The following PLEKHM2 variants were observed in gnomAD, a reference collection of about 807,000 sequenced individuals.
PLEKHM2 encodes the protein pleckstrin homology domain-containing family M member 2.
Under a neutral mutation model 116.3 loss-of-function variants are expected in PLEKHM2, and 77 were observed. The ratio of observed to expected loss-of-function variants is 0.66; its 90% CI spans 0.55 to 0.80. The LOEUF is 0.80. Among genes scored for constraint, PLEKHM2 ranks in the 30% least tolerant of loss-of-function variants. The pLI, the probability that PLEKHM2 is intolerant of heterozygous loss-of-function variation, is 0.00. For synonymous variants in PLEKHM2, 562 were observed against 571.0 expected, an observed-to-expected ratio of 0.98 and a Z score of 0.22; for missense variants, 1,183 against 1,354.9, an observed-to-expected ratio of 0.87 and a Z score of 1.99.
chr1:15,705,061 G>A (rs1248777888), intron 1 of PLEKHM2, among the ~76,000 whole-genome samples: 1 of 151,584 alleles, frequency 6.6e-6, no homozygotes, highest in Non-Finnish European at 1.5e-5. Flanking sequence ...GTACTCAGAC[G>A]CTCCTCCTGC....
At chr1:15,701,588 G>A (rs1346709922) in intron 1 of PLEKHM2, among the ~76,000 whole-genome samples, 6 of 152,162 alleles carry the variant, frequency 3.9e-5, no homozygotes, top group African/African-American at 1.4e-4. Flanking sequence ...AGGAGATCGT[G>A]ACCATCCTGG....
chr1:15,727,161 C>A lies in PLEKHM2; in HGVS notation c.1089C>A (p.Asp363Glu). 1 of 1,599,844 alleles carries A rather than the reference C, an allele frequency of 6.3e-7. No homozygotes were observed. Among genetic ancestry groups the A allele is most frequent in the Non-Finnish European group, 8.5e-7 (1 of 1,172,630 alleles). Reference protein sequence around the residue: ...SRNGSPSLGRDSPDTMLASPQ... With the variant: ...SRNGSPSLGRESPDTMLASPQ... ...ACGGCAGCCCAAGCCTTGGGCGGGACTCGCCAGACACTATGCTTGCCTCCC... is the reference window on the plus strand; with the variant it reads ...ACGGCAGCCCAAGCCTTGGGCGGGAATCGCCAGACACTATGCTTGCCTCCC... Residue 363 changes from aspartate to glutamate, a missense_variant, in exon 9 of 20, where the codon GAC (aspartate) becomes GAA (glutamate). Asp to Glu is a conservative substitution (Grantham distance 45, BLOSUM62 2). Around this residue, in one of 3 missense-constraint regions of PLEKHM2, gnomAD observed 372 missense variants for 357.2 expected, o/e 1.04. Transcript: ENST00000375799. The surrounding 1 kb of genome is among the most constrained non-coding windows in gnomAD (Gnocchi z 7.5).
intron 4 of PLEKHM2, 55 bp from the exon 5 acceptor site, chr1:15,718,483 G>A (rs764701763): frequency 9.5e-7 from 1 of 1,054,564 alleles, no homozygotes; most frequent in Non-Finnish European, 1.4e-6. Flanking sequence ...GGTAAGGTTA[G>A]GCCAGGCTGG....
chr1:15,707,718 GAC>G (rs1486058702), intron 1 of PLEKHM2, among the ~76,000 whole-genome samples: 1 of 152,136 alleles, frequency 6.6e-6, no homozygotes, highest in Non-Finnish European at 1.5e-5. Context: ...AAACTGACAA[GAC>G]ACATCCTCAC....
chr1:15,725,314 C>T lies in PLEKHM2; in HGVS notation c.713-3C>T. ...GGTGTCTCCTGCTTCCTTGTCCTCCCAGATGGAGACCTCACAGACACGGTC... is the reference window on the plus strand; with the variant it reads ...GGTGTCTCCTGCTTCCTTGTCCTCCTAGATGGAGACCTCACAGACACGGTC... On this transcript the variant is annotated splice_region_variant and splice_polypyrimidine_tract_variant and intron_variant, in intron 7 of 19. Coordinates refer to ENST00000375799, the MANE Select transcript of PLEKHM2 (RefSeq NM_015164.4). 1 of 1,548,472 alleles carries T rather than the reference C, an allele frequency of 6.5e-7. No homozygotes were observed. The highest frequency in any genetic ancestry group is 8.7e-7 in the Non-Finnish European group (1 of 1,144,558).
At chr1:15,695,839 T>A (rs1364212847) in intron 1 of PLEKHM2, among the ~76,000 whole-genome samples, 1 of 151,992 alleles carries the variant, frequency 6.6e-6, no homozygotes, top group Non-Finnish European at 1.5e-5. Flanking sequence ...TCTTGCTCTG[T>A]CACCCAGGGT....
At chr1:15,692,697 C>T (rs980742024) in intron 1 of PLEKHM2, among the ~76,000 whole-genome samples, 1 of 152,088 alleles carries the variant, frequency 6.6e-6, no homozygotes, top group Admixed American at 6.6e-5. Flanking sequence ...TCCAGCCTCC[C>T]AAAGTGTGGG....
chr1:15,711,145 T>C (rs1392440811), intron 1 of PLEKHM2, among the ~76,000 whole-genome samples: 1 of 152,138 alleles, frequency 6.6e-6, no homozygotes, highest in Non-Finnish European at 1.5e-5. Context: ...GAGGATCCCT[T>C]GAGCCCAGGA....
chr1:15,689,880 C>T (rs936096169), intron 1 of PLEKHM2, among the ~76,000 whole-genome samples: 2 of 152,128 alleles, frequency 1.3e-5, no homozygotes, highest in African/African-American at 4.8e-5. Context: ...CCTCAGCCTC[C>T]CAAGTAGCTG....
At chr1:15,732,869 G>T in intron 19 of PLEKHM2, 141 bp downstream of exon 19, 1 of 619,664 alleles carries the variant, frequency 1.6e-6, no homozygotes, top group Non-Finnish European at 2.8e-6. Flanking sequence ...GGGCGCTCCT[G>T]CCTCAGCCCC....
Position 15,725,493 on chromosome 1 carries a change from G to A in PLEKHM2, c.889G>A (p.Glu297Lys), listed in dbSNP as rs2068051862. Residue 297 changes from glutamate to lysine, a missense_variant, in exon 8 of 20, where the codon GAG (glutamate) becomes AAG (lysine). By Grantham distance (56) the Glu-to-Lys change is moderately conservative. This residue lies in a region of PLEKHM2 where 372 missense variants were observed against 357.2 expected (regional missense o/e 1.04). Transcript: ENST00000375799. ...PVHTTSQEKEEAQALDPPDAC... is the reference protein window; with the variant it reads ...PVHTTSQEKEKAQALDPPDAC... ...GCACACCACCTCTCAGGAGAAGGAG[G>A]AGGCCCAGGCCCTGGACCCGCCGGA... is the stretch of plus-strand genomic sequence containing the variant. 6.3e-7 allele frequency: 1 copy of A among 1,581,350 alleles called. No homozygotes were observed. The highest frequency in any genetic ancestry group is 8.6e-7 in the Non-Finnish European group (1 of 1,164,648).
chr1:15,682,385 A>G (rs1640663555), upstream of PLEKHM2, among the ~76,000 whole-genome samples: 1 of 151,058 alleles, frequency 6.6e-6, no homozygotes, highest in Admixed American at 6.6e-5. Flanking sequence ...TGGGAGGAGG[A>G]AGTTGCAGTG....
rs1297924683 is a variant in PLEKHM2, at chr1:15,731,306, T to C, written c.2465+49T>C. ...TGTATCCTGGGGCCCAGAGCTGCCG[T>C]TTCCCTGGTTTGAGATGGCTGCCCC... On this transcript the variant is annotated intron_variant, in intron 16 of 19. Coordinates refer to ENST00000375799, the MANE Select transcript of PLEKHM2 (RefSeq NM_015164.4). 2.9e-6 allele frequency: 4 copies of C among 1,390,938 alleles called. No individual in the cohort carries two copies. The South Asian group carries it at 4.9e-5, about 17-fold the overall frequency. The allele number at this position is 1,390,938 out of a possible 1,614,324, so 86.2% of individuals were successfully genotyped here. A position where few individuals can be genotyped will look rare whatever the true frequency, so the allele number is the denominator to read the frequency against.
At chr1:15,700,237 G>GT (rs947670293) in intron 1 of PLEKHM2, among the ~76,000 whole-genome samples, 3 of 152,020 alleles carry the variant, frequency 2.0e-5, no homozygotes, top group Non-Finnish European at 2.9e-5. Flanking sequence ...GTTTTGTTTT[G>GT]TTTTTTTAAT....
rs1445768787 is a variant in PLEKHM2 at position 15,729,954 on chromosome 1, G to A, written c.2208+25G>A. ...GGTAAGAACCTGGGGAGGAAGCTGA[G>A]TGCAGCCCCTGAGATGGCAGAGCAG... On this transcript the variant is annotated intron_variant, in intron 14 of 19. Coordinates refer to ENST00000375799, the MANE Select transcript of PLEKHM2 (RefSeq NM_015164.4). The surrounding 1 kb of genome is among the most constrained non-coding windows in gnomAD (Gnocchi z 4.7). The A allele has an allele frequency of 6.9e-6, 11 of 1,599,912 alleles. No individual in the cohort carries two copies. The highest frequency in any genetic ancestry group is 2.0e-4 in the Middle Eastern group (1 of 4,922).
At chr1:15,724,518 A>G (rs959141675) in intron 7 of PLEKHM2, among the ~76,000 whole-genome samples, 16 of 150,800 alleles carry the variant, frequency 1.1e-4, no homozygotes, top group African/African-American at 3.9e-4. Flanking sequence ...AGTTCTCAGC[A>G]CCACCCTTGC....
rs1454500537 is a variant in PLEKHM2, at chr1:15,725,346, C to A, written c.742C>A (p.Pro248Thr). The A allele has an allele frequency of 8.4e-6, 13 of 1,551,070 alleles. No individual in the cohort carries two copies. In the Admixed American group the frequency reaches 2.2e-4, roughly 26 times the overall value. ...DGDLTDTVSG[P>T]RSTASDLTSS... ...AGACCTCACAGACACGGTCAGTGGT[C>A]CCCGCTCCACAGCCTCCGACCTGAC... The change falls in exon 8 of 20, where the codon CCC becomes ACC. Residue 248 changes from proline to threonine, a missense_variant. Pro to Thr is a conservative substitution (Grantham distance 38). Transcript: ENST00000375799.
chr1:15,720,483 T>C (rs1290172755), intron 6 of PLEKHM2: 1 of 985,148 alleles, frequency 1.0e-6, no homozygotes, highest in African/African-American at 1.7e-5. Flanking sequence ...AGGAAGAAGC[T>C]GCAGGTCATT....
chr1:15,687,823 C>T (rs1317553061), intron 1 of PLEKHM2, among the ~76,000 whole-genome samples: 1 of 152,094 alleles, frequency 6.6e-6, no homozygotes, highest in East Asian at 1.9e-4. Context: ...TATATAGCAC[C>T]TTGAGAGTTG....
Sources: allele counts gnomAD v4.1 joint callset (sites outside exome capture counted in the v4.1 genomes callset), GRCh38; gene constraint gnomAD v4.1.1; regional missense constraint gnomAD v4.1.1; non-coding constraint Gnocchi (gnomAD v3.1); transcripts MANE v1.5; gene names NCBI Gene and HGNC (gene_info 2026-07-23, HGNC 2026-07-21).